Variants in CHD7 observed in about 807,000 individuals in gnomAD.
CHD7 encodes the protein chromodomain helicase DNA binding protein 7.
A neutral mutation model predicts 307.3 loss-of-function variants in CHD7; 24 were observed. That is an observed-to-expected ratio of 0.08 (90% CI 0.06 to 0.11). The LOEUF (loss-of-function observed/expected upper bound fraction) is 0.11. Among genes scored for constraint, CHD7 ranks in the 10% least tolerant of loss-of-function variants. CHD7 has a pLI of 1.00. For missense variants in CHD7, 3,106 were observed against 3,727.1 expected (o/e 0.83, Z 4.34); for synonymous variants, 1,363 against 1,349.9 (o/e 1.01, Z -0.21).
intron 1 of CHD7, among the ~76,000 whole-genome samples, chr8:60,693,450 C>T (rs1253795780): frequency 6.6e-6 from 1 of 152,238 alleles, no homozygotes; most frequent in Non-Finnish European, 1.5e-5. Flanking sequence ...TCTGGCAGGG[C>T]TTGTGGGGTG....
intron 13 of CHD7, among the ~76,000 whole-genome samples, chr8:60,826,609 G>A (rs1341503614): frequency 4.6e-5 from 7 of 152,232 alleles, no homozygotes; most frequent in Non-Finnish European, 5.9e-5. Context: ...ATCTCCAAGT[G>A]CATTCCCAGA....
intron 18 of CHD7, 95 bp from the exon 19 acceptor site, chr8:60,837,981 G>T (rs1164966863): frequency 2.4e-6 from 3 of 1,266,436 alleles, no homozygotes; most frequent in Middle Eastern, 2.3e-4. Context: ...TATAATTTAG[G>T]TTTACTCTCT....
Position 60,823,905 on chromosome 8 carries a change from T to C in CHD7, c.3267T>C (p.Thr1089=). 6.2e-7 allele frequency: 1 copy of C among 1,613,954 alleles called. No homozygotes were observed. The highest frequency in any genetic ancestry group is 1.3e-5 in the African/African-American group (1 of 75,058). The change falls in exon 13 of 38, where the codon ACT becomes ACC. Residue 1089 remains threonine (T), a synonymous_variant. Transcript: ENST00000423902. The part of the protein sequence containing the change: ...AIITTFEMIL[T]DCPELRNIPW... Reference sequence around the variant, plus strand: ...TCACTACATTTGAGATGATTTTGACTGATTGTCCTGAGCTGCGGAATATTC... The same window carrying C: ...TCACTACATTTGAGATGATTTTGACCGATTGTCCTGAGCTGCGGAATATTC...
rs143072402 is a variant in CHD7, at chr8:60,793,888, C to G, written c.2097-1098C>G. Among the ~76,000 whole-genome samples the G allele has an allele frequency of 6.0e-3, 915 of 152,102 alleles. 5 individuals are homozygous for G. The highest frequency in any genetic ancestry group is 0.01 in the Non-Finnish European group (690 of 67,996). The stretch of plus-strand genomic sequence containing the variant: ...CTGAAATCTCAGCACTTTGGGAGGC[C>G]GAGGCAGGTGGATCACCTGAGGTCA... On this transcript the variant is annotated intron_variant, in intron 3 of 37. Transcript: ENST00000423902.
intron 27 of CHD7, 78 bp downstream of exon 27, chr8:60,851,182 G>A: frequency 6.7e-7 from 1 of 1,482,894 alleles, no homozygotes; most frequent in Non-Finnish European, 9.2e-7. Context: ...AAACTTTATA[G>A]ATAATGACCT....
At chr8:60,729,902 T>C (rs1808354673) in intron 1 of CHD7, among the ~76,000 whole-genome samples, 1 of 152,220 alleles carries the variant, frequency 6.6e-6, no homozygotes, top group African/African-American at 2.4e-5. Context: ...AACTGAAATA[T>C]GAAGTTTACT....
intron 1 of CHD7, among the ~76,000 whole-genome samples, chr8:60,717,497 A>G (rs1167715840): frequency 6.6e-6 from 1 of 152,192 alleles, no homozygotes; most frequent in African/African-American, 2.4e-5. Flanking sequence ...TAGTTTCTTT[A>G]CTGTTACTTT....
intron 2 of CHD7, among the ~76,000 whole-genome samples, chr8:60,751,357 A>G (rs1465092689): frequency 1.3e-5 from 2 of 152,116 alleles, no homozygotes; most frequent in East Asian, 3.8e-4. Flanking sequence ...CTGTTATAAT[A>G]ATCTTTCAGA....
intron 1 of CHD7, among the ~76,000 whole-genome samples, chr8:60,682,922 A>T (rs1805702592): frequency 6.6e-6 from 1 of 152,220 alleles, no homozygotes; most frequent in African/African-American, 2.4e-5. Flanking sequence ...TCAGTAAATG[A>T]TTTCTACATG....
chr8:60,830,474 T>C lies in CHD7; in HGVS notation c.3675T>C (p.Asn1225=). The C allele has an allele frequency of 1.2e-6, 2 of 1,613,976 alleles. No homozygotes were observed. The highest frequency in any genetic ancestry group is 1.7e-6 in the Non-Finnish European group (2 of 1,179,880). ...KKYYRAILEK[N]FTFLSKGGGQ... ...ATTACCGAGCCATCCTTGAGAAGAA[T>C]TTCACATTTCTTTCCAAAGGCGGTG... Residue 1225 remains asparagine (N), a synonymous_variant, in exon 15 of 38, where the codon AAT becomes AAC. Transcript: ENST00000423902.
intron 1 of CHD7, among the ~76,000 whole-genome samples, chr8:60,728,279 T>G (rs925431135): frequency 6.6e-6 from 1 of 152,238 alleles, no homozygotes. Flanking sequence ...TGCAGTTCTT[T>G]TGAATGGTAT....
chr8:60,742,725 C>G lies in CHD7; in HGVS notation c.1293C>G (p.Pro431=), dbSNP rs1809112899. 1 of 1,613,742 alleles carries G rather than the reference C, an allele frequency of 6.2e-7. No homozygotes were observed. The highest frequency in any genetic ancestry group is 1.3e-5 in the African/African-American group (1 of 74,928). The part of the protein sequence containing the change: ...PMEVGSYPNM[P]HPQPSHQPPG... ...AAGTTGGCAGTTATCCAAATATGCC[C>G]CATCCTCAGCCATCTCACCAGCCCC... The change falls in exon 2 of 38, where the codon CCC becomes CCG. Residue 431 remains proline (P), a synonymous_variant. Coordinates refer to ENST00000423902, the MANE Select transcript of CHD7 (RefSeq NM_017780.4).
chr8:60,751,119 G>A (rs2150596907), intron 2 of CHD7, among the ~76,000 whole-genome samples: 1 of 152,292 alleles, frequency 6.6e-6, no homozygotes, highest in East Asian at 1.9e-4. Context: ...TCTGAAAGGT[G>A]GATTACAGAC....
At chr8:60,856,335 C>T in intron 33 of CHD7, 110 bp from the exon 34 acceptor site, 8 of 1,270,742 alleles carry the variant, frequency 6.3e-6, no homozygotes, top group African/African-American at 1.5e-5. Context: ...GTGCACCAGT[C>T]ATGAATGCTT....
intron 2 of CHD7, among the ~76,000 whole-genome samples, 198 bp downstream of exon 2, chr8:60,743,295 A>T (rs1809151486): frequency 6.6e-6 from 1 of 152,226 alleles, no homozygotes; most frequent in East Asian, 1.9e-4. Context: ...GATGTTAAGG[A>T]TATGTAGATA....
In CHD7 at chr8:60,741,571, T is replaced by G. The variant is rs1364452059; in HGVS notation, c.139T>G (p.Phe47Val). 1 of 1,613,534 alleles carries G rather than the reference T, an allele frequency of 6.2e-7. No individual in the cohort carries two copies. Among genetic ancestry groups the G allele is most frequent in the African/African-American group, 1.3e-5 (1 of 74,942 alleles). Residue 47 changes from phenylalanine (F) to valine (V), a missense_variant, in exon 2 of 38, where the codon TTT becomes GTT. Phe to Val is a conservative substitution (Grantham distance 50, BLOSUM62 -1). Around this residue, in one of 10 missense-constraint regions of CHD7, gnomAD observed 998 missense variants for 1,004.5 expected, o/e 0.99. Transcript: ENST00000423902. ...TCAGCAAATGCCAATAGACCAAGGCTTTGCCTCTTTACAGCCATCCCTTCA... is the reference window on the plus strand; with the variant it reads ...TCAGCAAATGCCAATAGACCAAGGCGTTGCCTCTTTACAGCCATCCCTTCA... ...MGQQMPIDQG[F>V]ASLQPSLHHP...
chr8:60,785,077 G>A (rs560945134), intron 3 of CHD7, among the ~76,000 whole-genome samples: 7 of 152,182 alleles, frequency 4.6e-5, no homozygotes, highest in Admixed American at 4.6e-4. Flanking sequence ...GGAATATGAG[G>A]ATTTGCATCC....
chr8:60,769,911 C>T (rs1810633908), intron 2 of CHD7, among the ~76,000 whole-genome samples: 2 of 152,138 alleles, frequency 1.3e-5, no homozygotes, highest in African/African-American at 4.8e-5. Flanking sequence ...GGGAAAATAC[C>T]AAAGTGTGAA....
rs572177911 is a variant in CHD7, at chr8:60,749,048, T to C, written c.1665+5951T>C. The stretch of plus-strand genomic sequence containing the variant: ...TAAATCTCAAGTAGCATCAATCTTA[T>C]ACTGAGATTCTTTAAGTTTACCCAG... On this transcript the variant is annotated intron_variant, in intron 2 of 37. Coordinates refer to ENST00000423902, the MANE Select transcript of CHD7 (RefSeq NM_017780.4). Among the ~76,000 whole-genome samples, 224 of 151,818 alleles carry C rather than the reference T, an allele frequency of 1.5e-3. 1 individual carries two copies. Among genetic ancestry groups the C allele is most frequent in the African/African-American group, 4.3e-3 (180 of 41,394 alleles).
Sources: gnomAD v4.1 joint callset for allele counts (sites outside exome capture counted in the v4.1 genomes callset) on GRCh38, gnomAD v4.1.1 for gene constraint, gnomAD v4.1.1 regional missense constraint, MANE v1.5 for transcripts, NCBI Gene and HGNC (gene_info 2026-07-23, HGNC 2026-07-21) for gene names.